Variants in DPP6 observed in about 807,000 individuals in gnomAD.
The protein encoded by DPP6 is A-type potassium channel modulatory protein DPP6.
In DPP6, 69 loss-of-function variants were observed where a neutral mutation model predicts 122.6. The ratio of observed to expected loss-of-function variants is 0.56; its 90% CI spans 0.46 to 0.69. The LOEUF (loss-of-function observed/expected upper bound fraction) is 0.69. Ranked by LOEUF, DPP6 falls within the 30% of genes least tolerant of loss-of-function variation. The pLI is 0.00. For missense variants in DPP6, 928 were observed against 1,116.9 expected (o/e 0.83, Z 2.41); for synonymous variants, 418 against 433.1 (o/e 0.97, Z 0.43).
At chr7:154,092,252 A>G (rs1804906915) in intron 1 of DPP6, 1 of 152,214 alleles carries the variant, frequency 6.6e-6, no homozygotes, top group Non-Finnish European at 1.5e-5. Context: ...ATTTACCAAT[A>G]AAAAGAGCAT....
intron 6 of DPP6, among the ~76,000 whole-genome samples, chr7:154,668,387 A>AT (rs1056604291): frequency 1.5e-4 from 22 of 150,008 alleles, no homozygotes; most frequent in Admixed American, 8.0e-4. Context: ...CGCCCGACTA[A>AT]TTTTTTATAT....
chr7:153,916,818 T>C (rs957821285), intron 1 of DPP6, among the ~76,000 whole-genome samples: 3 of 152,238 alleles, frequency 2.0e-5, no homozygotes, highest in Admixed American at 1.3e-4. Context: ...ATTTATTTTA[T>C]AAATTTTATT....
At chr7:154,218,621 T>C (rs761352229) in intron 1 of DPP6, among the ~76,000 whole-genome samples, 1 of 152,214 alleles carries the variant, frequency 6.6e-6, no homozygotes, top group East Asian at 1.9e-4. Flanking sequence ...TTAAATTATA[T>C]AGTCTGCAGC....
intron 1 of DPP6, among the ~76,000 whole-genome samples, chr7:154,065,254 G>T (rs1585299491): frequency 6.7e-6 from 1 of 149,990 alleles, no homozygotes; most frequent in Non-Finnish European, 1.5e-5. Flanking sequence ...GGAAGAAGGG[G>T]CAAGGCTGTG....
the DPP6 span, among the ~76,000 whole-genome samples, chr7:153,863,533 A>T: frequency 1.3e-5 from 2 of 152,202 alleles, no homozygotes; most frequent in Non-Finnish European, 2.9e-5. Flanking sequence ...CAAAATGTAT[A>T]ATCATCCAGC....
intron 1 of DPP6, among the ~76,000 whole-genome samples, chr7:154,391,852 C>A (rs759757072): frequency 1.3e-5 from 2 of 152,114 alleles, no homozygotes; most frequent in Non-Finnish European, 2.9e-5. Flanking sequence ...TCTCGGAGAT[C>A]AGTGCACCAA....
At chr7:154,649,201 G>A (rs548326220) in intron 6 of DPP6, among the ~76,000 whole-genome samples, 1 of 152,282 alleles carries the variant, frequency 6.6e-6, no homozygotes, top group East Asian at 1.9e-4. Flanking sequence ...CCCGTGTTGT[G>A]ACAGGTGTCT....
At chr7:154,060,376 T>TCA in intron 1 of DPP6, among the ~76,000 whole-genome samples, 1 of 117,990 alleles carries the variant, frequency 8.5e-6, no homozygotes, top group Non-Finnish European at 1.8e-5. Context: ...CAGCCCCTGG[T>TCA]TCCCCCACTG....
At chr7:153,887,976 T>C (rs370187957) in intron 1 of DPP6, among the ~76,000 whole-genome samples, 6 of 151,914 alleles carry the variant, frequency 3.9e-5, no homozygotes, top group African/African-American at 1.4e-4. Flanking sequence ...CCTTCGGGCA[T>C]GTGGCTTTGT....
At position 154,478,002 on chromosome 7, in the gene DPP6, CT is replaced by C. The variant is rs550949096; in HGVS notation, c.457+2976del. Among the ~76,000 whole-genome samples, 114 of 147,036 alleles carry C rather than the reference CT, an allele frequency of 7.8e-4. No individual in the cohort carries two copies. In the Middle Eastern group the frequency reaches 0.01, roughly 14 times the overall value. ...CACATGACCCTCAGCTTCCCCTTAC[CT>C]TTTTTTTTTTATCTTATTCCTCTTC... On this transcript the variant is annotated intron_variant, in intron 3 of 25. Transcript: ENST00000377770.
chr7:154,859,663 A>T (rs1803175237), intron 17 of DPP6, among the ~76,000 whole-genome samples: 1 of 152,328 alleles, frequency 6.6e-6, no homozygotes. Context: ...TGAATTATTT[A>T]AAAGCTGTTT....
chr7:154,680,467 A>G (rs898669128), intron 7 of DPP6, among the ~76,000 whole-genome samples: 3 of 152,234 alleles, frequency 2.0e-5, no homozygotes, highest in Non-Finnish European at 4.4e-5. Context: ...AAGAGGTATT[A>G]TATAACCATT....
chr7:154,780,769 G>T (rs1796969630), intron 10 of DPP6, among the ~76,000 whole-genome samples: 1 of 152,208 alleles, frequency 6.6e-6, no homozygotes, highest in South Asian at 2.1e-4. Context: ...GTTTTTAAAT[G>T]TGTTAACATG....
chr7:154,091,515 C>T (rs1437246274), intron 1 of DPP6, among the ~76,000 whole-genome samples: 2 of 152,160 alleles, frequency 1.3e-5, no homozygotes, highest in Non-Finnish European at 2.9e-5. Flanking sequence ...TTGTAGGCAG[C>T]AGAGAGCCTG....
At chr7:154,797,335 T>C (rs1374669083) in intron 12 of DPP6, among the ~76,000 whole-genome samples, 1 of 152,154 alleles carries the variant, frequency 6.6e-6, no homozygotes, top group African/African-American at 2.4e-5. Flanking sequence ...GTAGTATATA[T>C]CCTGGAATAT....
At chr7:153,866,840 A>G in the DPP6 span, among the ~76,000 whole-genome samples, 1 of 152,030 alleles carries the variant, frequency 6.6e-6, no homozygotes, top group Non-Finnish European at 1.5e-5. Context: ...GGTGTAAGGA[A>G]GGGATCCAGT....
Position 153,935,147 on chromosome 7 carries a change from C to T in DPP6, c.51+47413C>T, listed in dbSNP as rs986127105. On this transcript the variant is annotated intron_variant, in intron 1 of 25. Coordinates refer to the DPP6 transcript ENST00000404039. ...TGCTGACTCTGGGCACAGTGATAGC[C>T]AAACAAACTCCTCACTTGCTGGGCT... 9.9e-5 allele frequency among the ~76,000 whole-genome samples: 15 copies of T among 152,228 alleles called. No individual in the cohort carries two copies. In the East Asian group the frequency reaches 2.5e-3, roughly 26 times the overall value.
intron 16 of DPP6, among the ~76,000 whole-genome samples, chr7:154,816,949 G>A (rs1175777576): frequency 6.6e-6 from 1 of 152,180 alleles, no homozygotes; most frequent in Non-Finnish European, 1.5e-5. Flanking sequence ...CCTCACAGTT[G>A]GTTCCTGGCA....
chr7:154,715,732 G>A (rs1413194160), intron 7 of DPP6, among the ~76,000 whole-genome samples: 1 of 152,128 alleles, frequency 6.6e-6, no homozygotes, highest in African/African-American at 2.4e-5. Flanking sequence ...TTTGTTTTGA[G>A]GGACTTTATG....
Sources: gnomAD v4.1 joint callset for allele counts (sites outside exome capture counted in the v4.1 genomes callset) on GRCh38, gnomAD v4.1.1 for gene constraint, MANE v1.5 for transcripts, NCBI Gene and HGNC (gene_info 2026-07-23, HGNC 2026-07-21) for gene names.